Variants in RARB observed in about 807,000 individuals in gnomAD.
The protein encoded by RARB is HBV-activated protein.
In RARB, 17 loss-of-function variants were observed where a neutral mutation model predicts 51.9. The observed-to-expected ratio is 0.33, with a 90% CI of 0.22 to 0.49. The LOEUF is 0.49. Ranked by LOEUF, RARB falls within the 20% of genes least tolerant of loss-of-function variation. The pLI, the probability that RARB is intolerant of heterozygous loss-of-function variation, is 0.99. For synonymous variants in RARB, 215 were observed against 195.4 expected, an observed-to-expected ratio of 1.10 and a Z score of -0.84; for missense variants, 369 against 550.8, an observed-to-expected ratio of 0.67 and a Z score of 3.30.
intron 5 of RARB, among the ~76,000 whole-genome samples, chr3:25,402,147 A>G (rs1234856915): frequency 6.6e-6 from 1 of 152,206 alleles, no homozygotes. Context: ...TTAAAAAGAA[A>G]AAAGCCACAA....
chr3:25,038,607 A>G (rs967189825), intron 2 of RARB, among the ~76,000 whole-genome samples: 1 of 152,158 alleles, frequency 6.6e-6, no homozygotes, highest in Non-Finnish European at 1.5e-5. Context: ...ATAAAAGTGC[A>G]ATTTAGCACA....
At chr3:25,179,156 G>T (rs1424283451) in intron 5 of RARB, among the ~76,000 whole-genome samples, 1 of 152,164 alleles carries the variant, frequency 6.6e-6, no homozygotes, top group Non-Finnish European at 1.5e-5. Flanking sequence ...AATTACCAAT[G>T]ATGGAACATA....
upstream of RARB, among the ~76,000 whole-genome samples, chr3:25,426,071 A>G (rs1393350756): frequency 1.3e-5 from 2 of 152,138 alleles, no homozygotes; most frequent in Non-Finnish European, 2.9e-5. Flanking sequence ...TTTCCAAGGA[A>G]CTCTAAGGAC....
chr3:25,148,185 C>T (rs909377975), intron 4 of RARB, among the ~76,000 whole-genome samples: 1 of 152,162 alleles, frequency 6.6e-6, no homozygotes, highest in African/African-American at 2.4e-5. Context: ...GACATTAACA[C>T]CCCAACATAT....
At chr3:25,201,614 T>C (rs973830221) in intron 5 of RARB, among the ~76,000 whole-genome samples, 3 of 152,198 alleles carry the variant, frequency 2.0e-5, no homozygotes, top group Non-Finnish European at 4.4e-5. Context: ...CATCAATACC[T>C]AATTTATTGA....
Position 25,202,581 on chromosome 3 carries a change from A to T in RARB, c.178+28006A>T, listed in dbSNP as rs528485538. Among the ~76,000 whole-genome samples, 10 of 152,240 alleles carry T rather than the reference A, an allele frequency of 6.6e-5. No individual in the cohort carries two copies. In the South Asian group the frequency reaches 1.9e-3, roughly 28 times the overall value. On this transcript the variant is annotated intron_variant, in intron 5 of 11. Transcript: ENST00000383772. The stretch of plus-strand genomic sequence containing the variant: ...TGTCTTGCGGGCATTTAGTGCTATA[A>T]ATTTCCCTCTACACACGGCTTTAAA...
chr3:25,258,674 CA>C (rs1304795663), intron 5 of RARB, among the ~76,000 whole-genome samples: 1 of 152,048 alleles, frequency 6.6e-6, no homozygotes, highest in African/African-American at 2.4e-5. Context: ...TGATTTAGTT[CA>C]TGGTTCTGGA....
At chr3:25,129,475 C>A (rs1699911476) in intron 3 of RARB, among the ~76,000 whole-genome samples, 1 of 152,000 alleles carries the variant, frequency 6.6e-6, no homozygotes, top group South Asian at 2.1e-4. Flanking sequence ...AATAACTTAT[C>A]TCAAGACCAA....
At chr3:25,194,834 T>C (rs1423126590) in intron 5 of RARB, among the ~76,000 whole-genome samples, 1 of 151,958 alleles carries the variant, frequency 6.6e-6, no homozygotes, top group Non-Finnish European at 1.5e-5. Flanking sequence ...GTATCAAGTT[T>C]CTATGATGGC....
chr3:24,833,426 C>T (rs1232977218), intron 1 of RARB, among the ~76,000 whole-genome samples: 3 of 152,288 alleles, frequency 2.0e-5, no homozygotes, highest in East Asian at 1.9e-4. Context: ...CCCCAGCTTC[C>T]GCTTTAGGTA....
intron 2 of RARB, among the ~76,000 whole-genome samples, chr3:24,920,256 G>A (rs750156352): frequency 6.6e-6 from 1 of 152,116 alleles, no homozygotes; most frequent in Non-Finnish European, 1.5e-5. Flanking sequence ...CCCAATTAGG[G>A]CCAATTTCCA....
chr3:24,887,058 T>C (rs1180370566), intron 2 of RARB, among the ~76,000 whole-genome samples: 1 of 152,230 alleles, frequency 6.6e-6, no homozygotes, highest in African/African-American at 2.4e-5. Flanking sequence ...ATTAATGCCA[T>C]AGAGGCATGA....
chr3:25,495,187 G>A (rs1696962087), intron 2 of RARB, among the ~76,000 whole-genome samples: 1 of 152,104 alleles, frequency 6.6e-6, no homozygotes, highest in South Asian at 2.1e-4. Context: ...AAAATTAGAA[G>A]GTGAAACGGG....
At chr3:24,865,646 A>T (rs1702834181) in intron 2 of RARB, among the ~76,000 whole-genome samples, 1 of 152,162 alleles carries the variant, frequency 6.6e-6, no homozygotes, top group Non-Finnish European at 1.5e-5. Context: ...ATACGTACAA[A>T]TGTAAACCTA....
intron 5 of RARB, among the ~76,000 whole-genome samples, chr3:25,311,051 T>A (rs1339063166): frequency 6.6e-6 from 1 of 152,178 alleles, no homozygotes; most frequent in Admixed American, 6.5e-5. Context: ...CATTTGATGC[T>A]GAATTGTGGG....
At chr3:25,400,767 G>C (rs909243379) in intron 5 of RARB, among the ~76,000 whole-genome samples, 1 of 152,006 alleles carries the variant, frequency 6.6e-6, no homozygotes, top group East Asian at 1.9e-4. Flanking sequence ...TTTTGCCTTC[G>C]CAAAAACCAC....
At chr3:25,223,958 T>A (rs1282616486) in intron 5 of RARB, among the ~76,000 whole-genome samples, 7 of 152,326 alleles carry the variant, frequency 4.6e-5, no homozygotes, top group East Asian at 3.9e-4. Context: ...TATTTAAAAA[T>A]TTTTTGAGTT....
At chr3:25,318,525 C>T (rs983006283) in intron 5 of RARB, among the ~76,000 whole-genome samples, 6 of 152,060 alleles carry the variant, frequency 3.9e-5, no homozygotes, top group Non-Finnish European at 7.4e-5. Context: ...AATGGCTCGG[C>T]CAGTTCATAA....
chr3:24,896,132 C>T (rs1238325038), intron 2 of RARB, among the ~76,000 whole-genome samples: 1 of 152,116 alleles, frequency 6.6e-6, no homozygotes, highest in East Asian at 1.9e-4. Flanking sequence ...TTGCACGATT[C>T]CACTTATATG....
Sources: gnomAD v4.1 joint callset for allele counts (sites outside exome capture counted in the v4.1 genomes callset) on GRCh38, gnomAD v4.1.1 for gene constraint, MANE v1.5 for transcripts, NCBI Gene and HGNC (gene_info 2026-07-23, HGNC 2026-07-21) for gene names.